The following RNF38 variants were observed in gnomAD, a reference collection of about 807,000 sequenced individuals.
RNF38 encodes the protein E3 ubiquitin-protein ligase RNF38.
RNF38 carries 15 observed loss-of-function variants against 67.2 expected under a neutral mutation model. The ratio of observed to expected loss-of-function variants is 0.22; its 90% CI spans 0.15 to 0.34. The LOEUF is 0.34. Among genes scored for constraint, RNF38 ranks in the 10% least tolerant of loss-of-function variants. The probability of loss-of-function intolerance (pLI) is 1.00; values close to 1 mark genes in which losing one functional copy is unlikely to be tolerated. For synonymous variants in RNF38, 220 were observed against 218.8 expected (o/e 1.01, Z -0.05); for missense variants, 524 against 639.9 (o/e 0.82, Z 1.95).
chr9:36,453,843 T>A (rs1186893920), intron 1 of RNF38, among the ~76,000 whole-genome samples: 1 of 152,208 alleles, frequency 6.6e-6, no homozygotes, highest in African/African-American at 2.4e-5. Flanking sequence ...AGTTTTTAAG[T>A]GTGATAATGA....
At position 36,351,195 on chromosome 9, in the gene RNF38, T is replaced by C. The variant is rs771141402; in HGVS notation, c.1183A>G (p.Met395Val). 4.4e-5 allele frequency: 71 copies of C among 1,609,720 alleles called. No individual in the cohort carries two copies. The highest frequency in any genetic ancestry group is 5.5e-5 in the Non-Finnish European group (65 of 1,176,856). Reference protein sequence around the residue: ...HPSLLPYVLSMLPVPPAVGPT... With the variant: ...HPSLLPYVLSVLPVPPAVGPT... ...CCCACTGCAGGTGGCACTGGAAGCA[T>C]TGATCTGCAGTGAAAACAATCACAC... The change falls in exon 9 of 12, where the codon ATG (methionine) becomes GTG (valine). Residue 395 changes from methionine to valine, a missense_variant. Met to Val is a conservative substitution (Grantham distance 21). Coordinates refer to ENST00000259605, the MANE Select transcript of RNF38 (RefSeq NM_022781.5).
At position 36,424,562 on chromosome 9, in the gene RNF38, C is replaced by T. The variant is rs562433913; in HGVS notation, n.312+51G>A. The T allele has an allele frequency of 1.9e-5, 15 of 795,492 alleles. No individual in the cohort carries two copies. The East Asian group carries it at 6.3e-4, about 33-fold the overall frequency. The allele number at this position is 795,492 out of a possible 1,614,324, so 49.3% of individuals were successfully genotyped here. On this transcript the variant is annotated intron_variant and non_coding_transcript_variant, in intron 2 of 3. Transcript: ENST00000488058. ...AGAGTTACGCAAGAGAATCCAGCAA[C>T]GTAAGGTTGGCATGCATTTTCCCCA...
chr9:36,380,575 C>A (rs1267718930), intron 2 of RNF38, among the ~76,000 whole-genome samples: 1 of 152,124 alleles, frequency 6.6e-6, no homozygotes. Context: ...TCACTGCAAC[C>A]TCCACATCCC....
chr9:36,338,969 TAC>T lies in RNF38; in HGVS notation c.*781_*782del, dbSNP rs1156517157. 1 of 152,620 alleles carries T rather than the reference TAC, an allele frequency of 6.6e-6. No homozygotes were observed. The highest frequency in any genetic ancestry group is 1.5e-5 in the Non-Finnish European group (1 of 68,032). 9.5% of individuals were successfully genotyped at this position (152,620 alleles called of 1,614,324 possible). A position where few individuals can be genotyped will look rare whatever the true frequency, so the allele number is the denominator to read the frequency against. On this transcript the variant is annotated 3_prime_UTR_variant, in exon 12 of 12. Coordinates refer to ENST00000259605, the MANE Select transcript of RNF38 (RefSeq NM_022781.5). ...CCAGGTTCATGGAGCGAGAATTTGT[TAC>T]ACTTTTTTTTCTTAAGTGACCCACT...
At chr9:36,436,679 C>T (rs1165751949) in intron 1 of RNF38, among the ~76,000 whole-genome samples, 4 of 151,618 alleles carry the variant, frequency 2.6e-5, no homozygotes, top group Non-Finnish European at 5.9e-5. Flanking sequence ...AAACATTAGC[C>T]GGGCGTGGTG....
chr9:36,405,646 G>C (rs1191925862), upstream of RNF38, among the ~76,000 whole-genome samples: 1 of 152,136 alleles, frequency 6.6e-6, no homozygotes, highest in Non-Finnish European at 1.5e-5. Flanking sequence ...AAAATTTGCT[G>C]GTTGGCTAAC....
chr9:36,486,607 G>T (rs1313605508), intron 1 of RNF38, among the ~76,000 whole-genome samples: 1 of 152,144 alleles, frequency 6.6e-6, no homozygotes, highest in African/African-American at 2.4e-5. Flanking sequence ...GGTTTAGTCA[G>T]TGCAGTGGTG....
intron 1 of RNF38, among the ~76,000 whole-genome samples, chr9:36,390,853 A>G (rs907274970): frequency 6.6e-6 from 1 of 152,212 alleles, no homozygotes; most frequent in African/African-American, 2.4e-5. Flanking sequence ...CAAGAACACC[A>G]CGTCCTTCCT....
At chr9:36,352,527 C>A (rs1188564303) in intron 8 of RNF38, among the ~76,000 whole-genome samples, 1 of 152,066 alleles carries the variant, frequency 6.6e-6, no homozygotes, top group East Asian at 1.9e-4. Context: ...TCTGTTAAAC[C>A]TATTTTTTGG....
intron 2 of RNF38, among the ~76,000 whole-genome samples, chr9:36,388,963 T>A (rs565954386): frequency 7.9e-5 from 12 of 152,222 alleles, no homozygotes; most frequent in Non-Finnish European, 1.2e-4. Flanking sequence ...CACCCTTTTT[T>A]AAAAGATATC....
At chr9:36,427,705 ACC>A (rs1838812756) in intron 1 of RNF38, among the ~76,000 whole-genome samples, 2 of 143,272 alleles carry the variant, frequency 1.4e-5, no homozygotes, top group African/African-American at 5.7e-5. Context: ...CTATCTATCT[ACC>A]TACCTATCTA....
chr9:36,479,322 GAA>G (rs879398580), intron 1 of RNF38, among the ~76,000 whole-genome samples: 12 of 152,332 alleles, frequency 7.9e-5, no homozygotes, highest in Non-Finnish European at 1.3e-4. Flanking sequence ...AGGCTCCACA[GAA>G]AAGAGTGGGT....
At chr9:36,348,190 C>T (rs945466683) in intron 9 of RNF38, among the ~76,000 whole-genome samples, 1 of 151,740 alleles carries the variant, frequency 6.6e-6, no homozygotes, top group Admixed American at 6.6e-5. Context: ...GTTCTAAAGG[C>T]AAAGGCAAAG....
chr9:36,409,397 TA>T (rs1337583703), intron 2 of RNF38, among the ~76,000 whole-genome samples: 1 of 152,134 alleles, frequency 6.6e-6, no homozygotes, highest in African/African-American at 2.4e-5. Context: ...GCCAATTAGC[TA>T]CTTTACTTTT....
intron 1 of RNF38, 41 bp from the exon 2 acceptor site, chr9:36,390,657 G>A: frequency 1.2e-6 from 2 of 1,601,496 alleles, no homozygotes; most frequent in Non-Finnish European, 1.7e-6. Context: ...ATGGCTAGCT[G>A]CACCAATGTG....
At chr9:36,402,641 A>G (rs1317653365), upstream of RNF38, among the ~76,000 whole-genome samples, 1 of 152,188 alleles carries the variant, frequency 6.6e-6, no homozygotes, top group Non-Finnish European at 1.5e-5. Flanking sequence ...GGAGCTATCT[A>G]ACTGTAAGAG....
At chr9:36,404,502 T>A (rs1838133460), upstream of RNF38, among the ~76,000 whole-genome samples, 1 of 152,230 alleles carries the variant, frequency 6.6e-6, no homozygotes, top group Non-Finnish European at 1.5e-5. Flanking sequence ...TGGGCTGCAT[T>A]AGATCTAGAA....
intron 11 of RNF38, among the ~76,000 whole-genome samples, chr9:36,342,050 T>A (rs1487112866): frequency 3.3e-5 from 5 of 152,180 alleles, no homozygotes; most frequent in Non-Finnish European, 2.9e-5. Context: ...ACTCTCAAAC[T>A]GTGGCCTAGC....
intron 2 of RNF38, among the ~76,000 whole-genome samples, chr9:36,421,621 C>T (rs1277281581): frequency 2.0e-5 from 3 of 152,036 alleles, no homozygotes; most frequent in African/African-American, 7.2e-5. Context: ...CAAGATCACA[C>T]CATTGCACTC....
Sources: allele counts gnomAD v4.1 joint callset (sites outside exome capture counted in the v4.1 genomes callset), GRCh38; gene constraint gnomAD v4.1.1; transcripts MANE v1.5; gene names NCBI Gene and HGNC (gene_info 2026-07-23, HGNC 2026-07-21).